RHBDD2: variants seen among roughly 807,000 people sequenced by gnomAD.
RHBDD2 encodes rhomboid domain containing 2, also known as rhomboid domain-containing protein 2.
Under a neutral mutation model 21.7 loss-of-function variants are expected in RHBDD2, and 13 were observed. The ratio of observed to expected loss-of-function variants is 0.60; its 90% CI spans 0.39 to 0.95. The LOEUF is 0.95. RHBDD2 is among the 40% of genes least tolerant of loss of function. RHBDD2 has a pLI of 0.00. For missense variants in RHBDD2, 473 were observed against 478.9 expected (o/e 0.99, Z 0.11); for synonymous variants, 225 against 220.0 (o/e 1.02, Z -0.20).
intron 3 of RHBDD2, among the ~76,000 whole-genome samples, chr7:75,885,754 C>T (rs2116037442): frequency 6.6e-6 from 1 of 152,244 alleles, no homozygotes; most frequent in South Asian, 2.1e-4. Context: ...TACCTAAACT[C>T]AGAGGGAGAA....
rs782567905 is a variant in RHBDD2, at chr7:75,881,940, T to C, written c.290T>C (p.Val97Ala). 6 of 1,614,126 alleles carry C rather than the reference T, an allele frequency of 3.7e-6. No homozygotes were observed. The African/African-American group carries it at 8.0e-5, about 22-fold the overall frequency. The change falls in exon 2 of 4, where the codon GTC becomes GCC. Residue 97 changes from valine (V) to alanine (A), a missense_variant. Val to Ala is a moderately conservative substitution (Grantham distance 64, BLOSUM62 0). Transcript: ENST00000006777. ...AGNFERTVGT[V>A]RHCFFTVIFA... ...AATTTCGAGAGAACCGTGGGCACCG[T>C]CCGCCACTGCTTCTTCACCGTGATC...
intron 2 of RHBDD2, among the ~76,000 whole-genome samples, chr7:75,882,574 C>T (rs1805398693): frequency 6.6e-6 from 1 of 152,120 alleles, no homozygotes; most frequent in Non-Finnish European, 1.5e-5. Flanking sequence ...ATCTACCCAC[C>T]GTGGCCTCCC....
chr7:75,885,118 G>GAAA (rs113612856), intron 3 of RHBDD2, among the ~76,000 whole-genome samples: 1 of 99,640 alleles, frequency 1.0e-5, no homozygotes. Context: ...TGTCTCCCAA[G>GAAA]AAAAAAAAAA....
In RHBDD2 at chr7:75,883,765, C is replaced by G. The variant is rs368597929; in HGVS notation, c.654C>G (p.Phe218Leu). 28 of 1,613,640 alleles carry G rather than the reference C, an allele frequency of 1.7e-5. 1 individual carries two copies. Among genetic ancestry groups the G allele is most frequent in the African/African-American group, 1.3e-5 (1 of 74,900 alleles). ...TGGCACTGAAGCTCGATCAGACCTT[C>G]CCCTTCAGCCTGATGAGGAGGATAT... is the stretch of plus-strand genomic sequence containing the variant. ...ERVALKLDQT[F>L]PFSLMRRISV... Residue 218 changes from phenylalanine (F) to leucine (L), a missense_variant, in exon 3 of 4, where the codon TTC becomes TTG. By Grantham distance (22) the Phe-to-Leu change is conservative. Coordinates refer to ENST00000006777, the MANE Select transcript of RHBDD2 (RefSeq NM_001040456.3).
rs188178226 is a variant in RHBDD2, at chr7:75,881,026, G to A, written c.179-803G>A. ...ACAGGTGTGAGCCACCATGCCTGGC[G>A]ATAACTGCTTTTAGAAAAATAAAAG... On this transcript the variant is annotated intron_variant, in intron 1 of 3. Transcript: ENST00000006777. 4.4e-3 allele frequency among the ~76,000 whole-genome samples: 673 copies of A among 152,102 alleles called. 4 individuals carry two copies. The highest frequency in any genetic ancestry group is 7.6e-3 in the Non-Finnish European group (515 of 67,992).
Position 75,888,033 on chromosome 7 carries a change from A to G in RHBDD2, c.779A>G (p.His260Arg). 6.2e-7 allele frequency: 1 copy of G among 1,613,376 alleles called. No homozygotes were observed. Residue 260 changes from histidine to arginine, a missense_variant, in exon 4 of 4, where the codon CAC becomes CGC. By Grantham distance (29) the His-to-Arg change is conservative. Transcript: ENST00000006777. ...VPGSYPTQSCHPHLSPSHPVS... is the reference protein window; with the variant it reads ...VPGSYPTQSCRPHLSPSHPVS... Reference sequence around the variant, plus strand: ...GGCTCCTACCCCACACAGAGCTGCCACCCTCACCTGTCCCCAAGCCACCCT... The same window carrying G: ...GGCTCCTACCCCACACAGAGCTGCCGCCCTCACCTGTCCCCAAGCCACCCT...
At chr7:75,879,402 C>A (rs1805184304) in intron 1 of RHBDD2, 142 bp downstream of exon 1, 2 of 740,222 alleles carry the variant, frequency 2.7e-6, no homozygotes, top group East Asian at 6.8e-5. Flanking sequence ...CATGCCCGCC[C>A]CCCGGAGGAC....
intron 3 of RHBDD2, among the ~76,000 whole-genome samples, chr7:75,886,829 G>C (rs1456088912): frequency 6.7e-6 from 1 of 148,336 alleles, no homozygotes; most frequent in Non-Finnish European, 1.5e-5. Flanking sequence ...AAAAAAAAAA[G>C]AGTTCTTCCA....
chr7:75,879,566 C>G (rs1379336109), intron 1 of RHBDD2, among the ~76,000 whole-genome samples: 2 of 152,204 alleles, frequency 1.3e-5, no homozygotes, highest in African/African-American at 2.4e-5. Flanking sequence ...GCTAGCAAAT[C>G]CATGCTCGCT....
rs183665534 is a variant in RHBDD2 at position 75,883,585 on chromosome 7, C to T, written c.587-113C>T. 126 of 862,808 alleles carry T rather than the reference C, an allele frequency of 1.5e-4. 1 individual carries two copies. Among genetic ancestry groups the T allele is most frequent in the African/African-American group, 1.3e-3 (78 of 58,712 alleles). 53.4% of individuals were successfully genotyped at this position (862,808 alleles called of 1,614,324 possible). ...TGCAAACTCCAGCCAGAGTGTGCAG[C>T]GTGCTAAGCATGAAGGCTTCTGTAG... On this transcript the variant is annotated intron_variant, in intron 2 of 3. Transcript: ENST00000006777.
intron 1 of RHBDD2, chr7:75,880,366 C>G (rs1405799564): frequency 6.6e-6 from 1 of 152,150 alleles, no homozygotes; most frequent in East Asian, 1.9e-4. Flanking sequence ...ACTGTTCCCC[C>G]CACCCTAGGT....
chr7:75,884,703 T>G (rs995407953), intron 3 of RHBDD2, among the ~76,000 whole-genome samples: 3 of 152,148 alleles, frequency 2.0e-5, no homozygotes, highest in Non-Finnish European at 2.9e-5. Flanking sequence ...TGAGGACACT[T>G]AACATGTGAT....
chr7:75,881,220 A>C (rs563064396), intron 1 of RHBDD2: 5 of 607,376 alleles, frequency 8.2e-6, no homozygotes, highest in African/African-American at 7.7e-5. Context: ...GTCTTATTAC[A>C]TATAAAGCAT....
At position 75,888,707 on chromosome 7, in the gene RHBDD2, C is replaced by T. The variant is rs1213769418; in HGVS notation, c.*358C>T. 9 of 278,658 alleles carry T rather than the reference C, an allele frequency of 3.2e-5. No homozygotes were observed. Among genetic ancestry groups the T allele is most frequent in the African/African-American group, 1.3e-4 (6 of 45,924 alleles). The allele number at this position is 278,658 out of a possible 1,614,324, so 17.3% of individuals were successfully genotyped here. On this transcript the variant is annotated 3_prime_UTR_variant, in exon 4 of 4. Transcript: ENST00000006777. ...TTCCTCCCTGTGGCTGTGCCGTGCT[C>T]GTGGTTTCAGTGTCCGTGTGTCCAT...
At chr7:75,881,430 C>A in intron 1 of RHBDD2, 2 of 1,295,334 alleles carry the variant, frequency 1.5e-6, no homozygotes, top group Non-Finnish European at 2.0e-6. Context: ...TAAGTGACAC[C>A]CACTCAATCC....
intron 2 of RHBDD2, among the ~76,000 whole-genome samples, chr7:75,882,671 ATTTTT>A (rs1266227775): frequency 6.6e-6 from 1 of 151,570 alleles, no homozygotes; most frequent in Non-Finnish European, 1.5e-5. Context: ...ATATCTGGTA[ATTTTT>A]TATTTTATGC....
intron 3 of RHBDD2, among the ~76,000 whole-genome samples, chr7:75,885,969 T>TG (rs1440316075): frequency 6.6e-6 from 1 of 152,110 alleles, no homozygotes; most frequent in Admixed American, 6.6e-5. Context: ...TGGGTTCAAG[T>TG]GATTCTCCTG....
intron 3 of RHBDD2, among the ~76,000 whole-genome samples, chr7:75,884,191 C>T (rs1206354534): frequency 6.6e-6 from 1 of 152,138 alleles, no homozygotes; most frequent in Non-Finnish European, 1.5e-5. Flanking sequence ...CTGCCCCCGG[C>T]CAAATGCTGT....
intron 3 of RHBDD2, 131 bp from the exon 4 acceptor site, chr7:75,887,861 G>C: frequency 1.3e-6 from 1 of 780,702 alleles, no homozygotes; most frequent in East Asian, 2.5e-5. Context: ...TCTCCCACTT[G>C]GTACTTAGAG....
Sources: gnomAD v4.1 joint callset for allele counts (sites outside exome capture counted in the v4.1 genomes callset) on GRCh38, gnomAD v4.1.1 for gene constraint, MANE v1.5 for transcripts, NCBI Gene and HGNC (gene_info 2026-07-23, HGNC 2026-07-21) for gene names.